The following PKD1L1 variants were observed in gnomAD, a reference collection of about 807,000 sequenced individuals.
PKD1L1 encodes the protein polycystin 1 like 1, transient receptor potential channel interacting.
PKD1L1 carries 236 observed loss-of-function variants against 323.4 expected under a neutral mutation model. The ratio of observed to expected loss-of-function variants is 0.73; its 90% CI spans 0.66 to 0.81. The LOEUF (loss-of-function observed/expected upper bound fraction) is 0.81, where lower values mean the gene tolerates loss of function less well. Among genes scored for constraint, PKD1L1 ranks in the 40% least tolerant of loss-of-function variants. The probability of loss-of-function intolerance (pLI) is 0.00; values close to 1 mark genes in which losing one functional copy is unlikely to be tolerated. For missense variants in PKD1L1, 3,320 were observed against 3,508.0 expected (o/e 0.95, Z 1.35); for synonymous variants, 1,344 against 1,335.0 (o/e 1.01, Z -0.15).
At position 47,931,197 on chromosome 7, in the gene PKD1L1, AT is replaced by A; in HGVS notation, c.643del (p.Met215TrpfsTer68). ...ATGLLPGTVTMETPTKVARPT... is the reference protein window; with the variant it reads ...ATGLLPGTVTXETPTKVARPT... ...TCTGGCCACCTTGGTGGGGGTCTCC[AT>A]CGTGACAGTCCCAGGAAGCAGCCCC... On this transcript the variant is annotated frameshift_variant, in exon 6 of 57. Transcript: ENST00000289672. LOFTEE classifies it high-confidence loss of function. The A allele has an allele frequency of 6.2e-7, 1 of 1,614,208 alleles. No individual in the cohort carries two copies. Among genetic ancestry groups the A allele is most frequent in the Non-Finnish European group, 8.5e-7 (1 of 1,180,038 alleles).
chr7:47,796,383 G>A (rs890512271), intron 54 of PKD1L1, among the ~76,000 whole-genome samples: 2 of 152,174 alleles, frequency 1.3e-5, no homozygotes, highest in Non-Finnish European at 2.9e-5. Context: ...GTATTATAAA[G>A]GTTGTTTTCA....
intron 46 of PKD1L1, 139 bp from the exon 47 acceptor site, chr7:47,815,596 T>A: frequency 1.0e-6 from 1 of 996,646 alleles, no homozygotes. Flanking sequence ...TCAAGCTGCT[T>A]GCAGCGTGAA....
intron 8 of PKD1L1, among the ~76,000 whole-genome samples, chr7:47,910,156 T>C (rs1226606701): frequency 6.6e-6 from 1 of 152,212 alleles, no homozygotes; most frequent in Admixed American, 6.5e-5. Flanking sequence ...GGTCATCCCA[T>C]GCACAGGAAC....
At chr7:47,816,955 T>A (rs959038339) in intron 46 of PKD1L1, among the ~76,000 whole-genome samples, 12 of 152,042 alleles carry the variant, frequency 7.9e-5, no homozygotes, top group African/African-American at 2.9e-4. Flanking sequence ...CCATGGTGGT[T>A]CCGGGCGTGG....
Position 47,908,206 on chromosome 7 carries a change from C to T in PKD1L1, c.1273G>A (p.Gly425Arg), listed in dbSNP as rs776440413. 3 of 1,614,190 alleles carry T rather than the reference C, an allele frequency of 1.9e-6. No individual in the cohort carries two copies. In the South Asian group the frequency reaches 3.3e-5, roughly 18 times the overall value. Residue 425 changes from glycine (G) to arginine (R), a missense_variant, in exon 9 of 57, where the codon GGA (glycine) becomes AGA (arginine). Physicochemically the swap from Gly to Arg is moderately radical, Grantham distance 125. Coordinates refer to ENST00000289672, the MANE Select transcript of PKD1L1 (RefSeq NM_138295.5). The part of the protein sequence containing the change: ...LKAVIYNEFH[G>R]TEVELGPYYV... Reference sequence around the variant, plus strand: ...TAAGGCCCAAGCTCCACTTCGGTTCCATGAAACTCGTTATAAATAACAGCC... The same window carrying T: ...TAAGGCCCAAGCTCCACTTCGGTTCTATGAAACTCGTTATAAATAACAGCC...
At chr7:47,783,783 C>A (rs141150533) in intron 56 of PKD1L1, among the ~76,000 whole-genome samples, 47 of 152,276 alleles carry the variant, frequency 3.1e-4, no homozygotes, top group African/African-American at 1.1e-3. Flanking sequence ...GGCCTCCAGA[C>A]TACAAGAGAA....
chr7:47,863,213 C>G (rs745727681), intron 26 of PKD1L1, among the ~76,000 whole-genome samples: 1 of 151,988 alleles, frequency 6.6e-6, no homozygotes, highest in African/African-American at 2.4e-5. Flanking sequence ...CTGTCCTGGG[C>G]TGAAGAAAGT....
intron 56 of PKD1L1, among the ~76,000 whole-genome samples, chr7:47,789,494 C>T (rs139759362): frequency 6.6e-6 from 1 of 152,270 alleles, no homozygotes; most frequent in East Asian, 1.9e-4. Context: ...CTTCATTTTG[C>T]TGTTGATTTC....
At chr7:47,879,687 A>C (rs1786491187) in intron 21 of PKD1L1, among the ~76,000 whole-genome samples, 1 of 145,076 alleles carries the variant, frequency 6.9e-6, no homozygotes, top group African/African-American at 2.6e-5. Flanking sequence ...TAATCCCAGC[A>C]CTTTGGGAGG....
At chr7:47,815,302 G>T in intron 47 of PKD1L1, 32 bp downstream of exon 47, 1 of 1,604,352 alleles carries the variant, frequency 6.2e-7, no homozygotes, top group South Asian at 1.1e-5. Context: ...TTTCTGAGAT[G>T]ATCTCCTATG....
At chr7:47,919,650 T>C (rs975186504) in intron 7 of PKD1L1, among the ~76,000 whole-genome samples, 1 of 151,970 alleles carries the variant, frequency 6.6e-6, no homozygotes, top group Non-Finnish European at 1.5e-5. Context: ...ATCCAACATA[T>C]CAAAAAGATA....
At chr7:47,779,263 A>T (rs1562926412) in intron 56 of PKD1L1, among the ~76,000 whole-genome samples, 1 of 152,226 alleles carries the variant, frequency 6.6e-6, no homozygotes, top group Non-Finnish European at 1.5e-5. Context: ...GAGAGCAGAG[A>T]TCAAATTATC....
chr7:47,942,438 C>T (rs1788006419), intron 2 of PKD1L1, among the ~76,000 whole-genome samples: 1 of 151,784 alleles, frequency 6.6e-6, no homozygotes, highest in Non-Finnish European at 1.5e-5. Context: ...CCTCCTGCCC[C>T]GCGCCCCCGC....
rs779678839 is a variant in PKD1L1 at position 47,813,899 on chromosome 7, TC to T, written c.7173+31del. The T allele has an allele frequency of 2.5e-6, 4 of 1,582,208 alleles. No homozygotes were observed. The African/African-American group carries it at 5.4e-5, about 21-fold the overall frequency. On this transcript the variant is annotated intron_variant, in intron 48 of 56. Transcript: ENST00000289672. The stretch of plus-strand genomic sequence containing the variant: ...CCTAGACTTCTCTAATTCCATTTAT[TC>T]TTGGAAGCAAAAGGAAAAGGAACAT...
intron 55 of PKD1L1, among the ~76,000 whole-genome samples, chr7:47,795,002 A>G (rs1376281137): frequency 6.6e-6 from 1 of 152,084 alleles, no homozygotes; most frequent in African/African-American, 2.4e-5. Flanking sequence ...TTTTTATTTT[A>G]CAGGCTCATA....
In PKD1L1 at chr7:47,915,472, G is replaced by T. The variant is rs969620151; in HGVS notation, c.1188C>A (p.Pro396=). ...SENSCLEDSD[P]SNLGYELISA... ...AAATAAGCTCATATCCAAGGTTACTGGGGTCTGAGTCTTCCAGGCAGCTGT... is the reference window on the plus strand; with the variant it reads ...AAATAAGCTCATATCCAAGGTTACTTGGGTCTGAGTCTTCCAGGCAGCTGT... Residue 396 remains proline, a synonymous_variant, in exon 8 of 57, where the codon CCC becomes CCA. Transcript: ENST00000289672. 1 of 1,137,584 alleles carries T rather than the reference G, an allele frequency of 8.8e-7. No homozygotes were observed. Among genetic ancestry groups the T allele is most frequent in the Non-Finnish European group, 1.3e-6 (1 of 745,048 alleles). 70.5% of individuals were successfully genotyped at this position (1,137,584 alleles called of 1,614,324 possible).
At chr7:47,930,560 G>GT (rs11388673) in intron 6 of PKD1L1, among the ~76,000 whole-genome samples, 122,094 of 151,506 alleles carry the variant, frequency 0.81, 49,895 homozygotes, top group East Asian at 1. Context: ...GCTCATGCCT[G>GT]AATCCCAGCA....
intron 2 of PKD1L1, 56 bp from the exon 3 acceptor site, chr7:47,940,373 A>C: frequency 6.4e-7 from 1 of 1,568,474 alleles, no homozygotes; most frequent in Non-Finnish European, 8.7e-7. Context: ...TGGGAAGGTG[A>C]GAACATAAAG....
In PKD1L1 at chr7:47,858,848, G is replaced by A. The variant is rs1785961120; in HGVS notation, c.4187C>T (p.Thr1396Ile). Reference sequence around the variant, plus strand: ...CTGGCCTTGAGCAAGGAGTGCCCGGGTGTACTTGAGGATGAGAACCGCACT... The same window carrying A: ...CTGGCCTTGAGCAAGGAGTGCCCGGATGTACTTGAGGATGAGAACCGCACT... ...FMSAVLILKYTRALLAQGQFS... is the reference protein window; with the variant it reads ...FMSAVLILKYIRALLAQGQFS... Residue 1396 changes from threonine to isoleucine, a missense_variant, in exon 27 of 57, where the codon ACC becomes ATC. Transcript: ENST00000289672. The A allele has an allele frequency of 6.2e-7, 1 of 1,613,878 alleles. No individual in the cohort carries two copies. The highest frequency in any genetic ancestry group is 8.5e-7 in the Non-Finnish European group (1 of 1,180,000).
Sources: gnomAD v4.1 joint callset for allele counts (sites outside exome capture counted in the v4.1 genomes callset) on GRCh38, gnomAD v4.1.1 for gene constraint, MANE v1.5 for transcripts, NCBI Gene and HGNC (gene_info 2026-07-23, HGNC 2026-07-21) for gene names.